SPIRE1: variants seen among roughly 807,000 people sequenced by gnomAD.
SPIRE1 encodes spire type actin nucleation factor 1.
In SPIRE1, 40 loss-of-function variants were observed where a neutral mutation model predicts 94.1. The observed-to-expected ratio is 0.43, with a 90% CI of 0.33 to 0.55. The LOEUF is 0.55. SPIRE1 is among the 20% of genes least tolerant of loss of function. The probability of loss-of-function intolerance (pLI) is 0.06; values close to 1 mark genes in which losing one functional copy is unlikely to be tolerated. For missense variants in SPIRE1, 838 were observed against 975.2 expected (o/e 0.86, Z 1.87); for synonymous variants, 376 against 371.7 (o/e 1.01, Z -0.13).
intron 2 of SPIRE1, among the ~76,000 whole-genome samples, chr18:12,625,448 C>T (rs2037594445): frequency 6.6e-6 from 1 of 152,206 alleles, no homozygotes; most frequent in Non-Finnish European, 1.5e-5. Flanking sequence ...TACATTTCAT[C>T]ATTTTAACTT....
chr18:12,526,784 A>C (rs938313842), intron 4 of SPIRE1, among the ~76,000 whole-genome samples: 1 of 151,818 alleles, frequency 6.6e-6, no homozygotes, highest in East Asian at 1.9e-4. Flanking sequence ...ATCTTGGCTC[A>C]CTGTGACCTC....
intron 5 of SPIRE1, among the ~76,000 whole-genome samples, chr18:12,508,381 T>G (rs1216299168): frequency 2.0e-5 from 3 of 152,174 alleles, no homozygotes; most frequent in Non-Finnish European, 2.9e-5. Flanking sequence ...CAAAAAGGAT[T>G]TGAGGTACTT....
intron 2 of SPIRE1, among the ~76,000 whole-genome samples, chr18:12,606,715 G>A (rs957258506): frequency 6.6e-6 from 1 of 152,110 alleles, no homozygotes; most frequent in Non-Finnish European, 1.5e-5. Context: ...ACTTTTGGTA[G>A]AGACCGGGTT....
intron 4 of SPIRE1, among the ~76,000 whole-genome samples, chr18:12,530,974 A>G (rs573213701): frequency 6.6e-6 from 1 of 152,328 alleles, no homozygotes; most frequent in East Asian, 1.9e-4. Context: ...TCAGAAAAAA[A>G]TCAACTGACT....
chr18:12,458,525 A>T (rs2031633576), intron 12 of SPIRE1, among the ~76,000 whole-genome samples: 1 of 152,074 alleles, frequency 6.6e-6, no homozygotes, highest in African/African-American at 2.4e-5. Context: ...AAGGCAGGAG[A>T]ATGGCGTGAA....
chr18:12,555,402 T>C (rs2035475967), intron 2 of SPIRE1, among the ~76,000 whole-genome samples: 1 of 152,200 alleles, frequency 6.6e-6, no homozygotes, highest in African/African-American at 2.4e-5. Context: ...CTGATGAATG[T>C]TGATGTAAAA....
intron 2 of SPIRE1, among the ~76,000 whole-genome samples, chr18:12,605,677 C>T (rs2036955319): frequency 6.6e-6 from 1 of 152,112 alleles, no homozygotes; most frequent in Non-Finnish European, 1.5e-5. Context: ...GAAATGAAAC[C>T]TGTATTTAAT....
chr18:12,496,132 T>A, intron 6 of SPIRE1, 30 bp from the exon 7 acceptor site: 1 of 1,464,716 alleles, frequency 6.8e-7, no homozygotes, highest in Non-Finnish European at 9.6e-7. Flanking sequence ...AGAAGATTCA[T>A]GTGACTATAT....
chr18:12,658,136 G>A (rs1271941642), upstream of SPIRE1: 15 of 937,566 alleles, frequency 1.6e-5, no homozygotes, highest in Admixed American at 6.2e-5. Flanking sequence ...GCCCCGCCTC[G>A]CGCCGTCCAG....
At chr18:12,510,312 T>A (rs1598424718) in intron 5 of SPIRE1, among the ~76,000 whole-genome samples, 1 of 152,114 alleles carries the variant, frequency 6.6e-6, no homozygotes, top group South Asian at 2.1e-4. Context: ...GCTGAATATA[T>A]ATATGTACAA....
At chr18:12,558,885 GAC>G (rs1425837433) in intron 2 of SPIRE1, among the ~76,000 whole-genome samples, 2 of 151,916 alleles carry the variant, frequency 1.3e-5, no homozygotes, top group African/African-American at 4.8e-5. Context: ...CCCCGAGCTA[GAC>G]ACAGAGTGCT....
At chr18:12,582,243 A>G (rs2036275056) in intron 2 of SPIRE1, among the ~76,000 whole-genome samples, 1 of 152,208 alleles carries the variant, frequency 6.6e-6, no homozygotes, top group South Asian at 2.1e-4. Flanking sequence ...CCCTTTGGTT[A>G]TTTCCAATTA....
chr18:12,615,345 A>AAAAAAAAAAAAAAAAATATATATAT, intron 2 of SPIRE1, among the ~76,000 whole-genome samples: 2 of 17,242 alleles, frequency 1.2e-4, no homozygotes, highest in Non-Finnish European at 1.9e-4. Flanking sequence ...AAAAAAAAAA[A>AAAAAAAAAAAAAAAAATATATATAT]ATATATATAT....
intron 4 of SPIRE1, among the ~76,000 whole-genome samples, chr18:12,513,719 C>T (rs944380915): frequency 6.6e-6 from 1 of 152,112 alleles, no homozygotes; most frequent in African/African-American, 2.4e-5. Flanking sequence ...GACAGGGTTT[C>T]TCCATGTCGG....
intron 12 of SPIRE1, among the ~76,000 whole-genome samples, chr18:12,463,083 G>C (rs1049831711): frequency 2.0e-5 from 3 of 151,192 alleles, no homozygotes; most frequent in African/African-American, 7.3e-5. Context: ...ATTTTTTTTT[G>C]CAGAGACGGG....
intron 2 of SPIRE1, among the ~76,000 whole-genome samples, chr18:12,614,466 T>C (rs1164122163): frequency 6.6e-6 from 1 of 152,216 alleles, no homozygotes; most frequent in African/African-American, 2.4e-5. Context: ...CCCTGGTTTT[T>C]ATTTTAATAA....
intron 4 of SPIRE1, among the ~76,000 whole-genome samples, chr18:12,527,958 A>G (rs1361219181): frequency 1.3e-5 from 2 of 151,624 alleles, no homozygotes; most frequent in Non-Finnish European, 2.9e-5. Context: ...CCCAGCTACT[A>G]GAGAGGCTGA....
intron 5 of SPIRE1, among the ~76,000 whole-genome samples, chr18:12,508,282 C>T (rs746854981): frequency 8.6e-5 from 13 of 152,016 alleles, no homozygotes; most frequent in Non-Finnish European, 1.9e-4. Flanking sequence ...TCCTCAATAA[C>T]GATTCATAAT....
chr18:12,637,295 C>A (rs1201619160), intron 1 of SPIRE1, among the ~76,000 whole-genome samples: 15 of 148,122 alleles, frequency 1.0e-4, no homozygotes, highest in Non-Finnish European at 3.0e-5. Flanking sequence ...GGAGGCAGAG[C>A]TTGCAGTGAG....
Sources: allele counts gnomAD v4.1 joint callset (sites outside exome capture counted in the v4.1 genomes callset), GRCh38; gene constraint gnomAD v4.1.1; transcripts MANE v1.5; gene names NCBI Gene and HGNC (gene_info 2026-07-23, HGNC 2026-07-21).